The following LRRTM4 variants were observed in gnomAD, a reference collection of about 807,000 sequenced individuals.
The protein encoded by LRRTM4 is leucine rich repeat transmembrane neuronal 4.
LRRTM4 carries 25 observed loss-of-function variants against 47.6 expected under a neutral mutation model. The ratio of observed to expected loss-of-function variants is 0.53; its 90% CI spans 0.38 to 0.73. The LOEUF (loss-of-function observed/expected upper bound fraction) is 0.73. Among genes scored for constraint, LRRTM4 ranks in the 30% least tolerant of loss-of-function variants. The probability of loss-of-function intolerance (pLI) is 0.00; values close to 1 mark genes in which losing one functional copy is unlikely to be tolerated. For missense variants in LRRTM4, 638 were observed against 713.4 expected (o/e 0.89, Z 1.20); for synonymous variants, 311 against 269.5 (o/e 1.15, Z -1.51).
At chr2:76,882,185 A>G (rs906932660) in intron 3 of LRRTM4, among the ~76,000 whole-genome samples, 8 of 152,108 alleles carry the variant, frequency 5.3e-5, no homozygotes, top group Non-Finnish European at 8.8e-5. Flanking sequence ...AGTGATGTCT[A>G]TATAAGATAT....
At chr2:77,024,164 A>T (rs892787495) in intron 3 of LRRTM4, among the ~76,000 whole-genome samples, 3 of 152,170 alleles carry the variant, frequency 2.0e-5, no homozygotes, top group Non-Finnish European at 4.4e-5. Flanking sequence ...CTGTGATTCA[A>T]ATTATCCCAC....
chr2:76,784,760 G>T (rs1196367405), intron 3 of LRRTM4, among the ~76,000 whole-genome samples: 1 of 151,826 alleles, frequency 6.6e-6, no homozygotes, highest in African/African-American at 2.4e-5. Context: ...GGCCAGTAAT[G>T]TTGTCAAGAT....
intron 3 of LRRTM4, among the ~76,000 whole-genome samples, chr2:77,324,087 G>T (rs1670658319): frequency 6.6e-6 from 1 of 152,034 alleles, no homozygotes; most frequent in Non-Finnish European, 1.5e-5. Flanking sequence ...CCTCCAAACA[G>T]ACCTAAATAA....
At chr2:76,900,493 T>A (rs1673587560) in intron 3 of LRRTM4, among the ~76,000 whole-genome samples, 1 of 152,080 alleles carries the variant, frequency 6.6e-6, no homozygotes, top group Admixed American at 6.6e-5. Context: ...AATAGGGCAA[T>A]GGGTTTGTTT....
At chr2:76,889,934 T>C (rs1254487480) in intron 3 of LRRTM4, among the ~76,000 whole-genome samples, 1 of 151,966 alleles carries the variant, frequency 6.6e-6, no homozygotes, top group African/African-American at 2.4e-5. Context: ...ACACTGTTTA[T>C]CTCAGGACAC....
rs140757564 is a variant in LRRTM4, at chr2:77,227,857, C to G, written c.1551+290461G>C. ...TTCTAGTCATTAAAATATGGTTATA[C>G]TTTCCAGCCTTTTTCTTATGCATAT... On this transcript the variant is annotated intron_variant, in intron 3 of 3. Coordinates refer to ENST00000409884, the MANE Select transcript of LRRTM4 (RefSeq NM_001134745.3). Among the ~76,000 whole-genome samples the G allele has an allele frequency of 5.0e-4, 76 of 152,138 alleles. 1 individual carries two copies. The East Asian group carries it at 0.014, about 27-fold the overall frequency.
chr2:76,909,329 A>T (rs1295475750), intron 3 of LRRTM4, among the ~76,000 whole-genome samples: 1 of 152,210 alleles, frequency 6.6e-6, no homozygotes, highest in African/African-American at 2.4e-5. Flanking sequence ...CTTACACCTT[A>T]TACAAAAATC....
intron 3 of LRRTM4, among the ~76,000 whole-genome samples, chr2:76,873,204 A>G (rs1235447744): frequency 6.6e-6 from 1 of 152,044 alleles, no homozygotes; most frequent in Non-Finnish European, 1.5e-5. Flanking sequence ...GAAATAATTC[A>G]TGTCCCTTCT....
intron 3 of LRRTM4, among the ~76,000 whole-genome samples, chr2:76,867,478 A>G (rs1473616369): frequency 6.6e-6 from 1 of 152,186 alleles, no homozygotes; most frequent in African/African-American, 2.4e-5. Flanking sequence ...TCCTCTGGAC[A>G]TATTTAGTGT....
At chr2:77,325,273 T>G (rs1157171989) in intron 3 of LRRTM4, among the ~76,000 whole-genome samples, 1 of 152,172 alleles carries the variant, frequency 6.6e-6, no homozygotes, top group African/African-American at 2.4e-5. Context: ...AGTTGAGCAC[T>G]TGGCAAAGGA....
intron 3 of LRRTM4, among the ~76,000 whole-genome samples, chr2:77,207,372 T>TATATATACACACACACAC (rs59335400): frequency 3.8e-5 from 5 of 131,106 alleles, no homozygotes; most frequent in East Asian, 2.7e-4. Flanking sequence ...TATATATATA[T>TATATATACACACACACAC]ACACACACAC....
intron 3 of LRRTM4, among the ~76,000 whole-genome samples, chr2:76,925,385 T>C (rs550991400): frequency 1.3e-5 from 2 of 152,224 alleles, no homozygotes; most frequent in South Asian, 4.1e-4. Flanking sequence ...TTAACAAAAA[T>C]CACAGCCTCA....
At chr2:76,877,796 AC>A (rs888592512) in intron 3 of LRRTM4, among the ~76,000 whole-genome samples, 8 of 152,190 alleles carry the variant, frequency 5.3e-5, no homozygotes, top group Admixed American at 2.6e-4. Context: ...GTAAAAAGCT[AC>A]AGGGATGAAA....
intron 3 of LRRTM4, among the ~76,000 whole-genome samples, chr2:77,507,681 C>T (rs1678828993): frequency 6.6e-6 from 1 of 151,516 alleles, no homozygotes; most frequent in East Asian, 1.9e-4. Context: ...ATACCACACG[C>T]CACGCCCCAA....
chr2:77,158,143 C>T (rs147066737), intron 3 of LRRTM4, among the ~76,000 whole-genome samples: 22 of 152,208 alleles, frequency 1.4e-4, no homozygotes, highest in African/African-American at 5.1e-4. Context: ...TGGAGAGAGG[C>T]TTCTGGCCAA....
Position 77,496,239 on chromosome 2 carries a change from C to G in LRRTM4, c.1551+22079G>C, listed in dbSNP as rs113613974. On this transcript the variant is annotated intron_variant, in intron 3 of 3. Coordinates refer to ENST00000409884, the MANE Select transcript of LRRTM4 (RefSeq NM_001134745.3). ...TCACATATTTTAGTAGCTTTCTTAA[C>G]AGATTCAGTTACATTTTCCACATAG... Among the ~76,000 whole-genome samples, 509 of 151,946 alleles carry G rather than the reference C, an allele frequency of 3.3e-3. 2 individuals carry two copies. The highest frequency in any genetic ancestry group is 0.012 in the African/African-American group (483 of 41,534).
At chr2:76,974,157 T>TATATATACATAC (rs1676318885) in intron 3 of LRRTM4, among the ~76,000 whole-genome samples, 1 of 82,244 alleles carries the variant, frequency 1.2e-5, no homozygotes, top group African/African-American at 8.1e-5. Flanking sequence ...TATACATACA[T>TATATATACATAC]ATATATATAT....
chr2:76,921,717 T>C (rs1674438629), intron 3 of LRRTM4, among the ~76,000 whole-genome samples: 1 of 152,134 alleles, frequency 6.6e-6, no homozygotes, highest in Non-Finnish European at 1.5e-5. Context: ...TTTTGGCTCC[T>C]ATATCCCTTT....
At chr2:76,799,555 C>G (rs1675543234) in intron 3 of LRRTM4, among the ~76,000 whole-genome samples, 1 of 142,476 alleles carries the variant, frequency 7.0e-6, no homozygotes. Context: ...ACAGGGATGC[C>G]CTCTCTCACC....
Sources: gnomAD v4.1 joint callset for allele counts (sites outside exome capture counted in the v4.1 genomes callset) on GRCh38, gnomAD v4.1.1 for gene constraint, MANE v1.5 for transcripts, NCBI Gene and HGNC (gene_info 2026-07-23, HGNC 2026-07-21) for gene names.